RECQL5: variants seen among roughly 807,000 people sequenced by gnomAD.
The protein encoded by RECQL5 is RecQ like helicase 5.
Under a neutral mutation model 103.4 loss-of-function variants are expected in RECQL5, and 88 were observed. The observed-to-expected ratio is 0.85, with a 90% CI of 0.72 to 1.02. The LOEUF (loss-of-function observed/expected upper bound fraction) is 1.02. Among genes scored for constraint, RECQL5 ranks in the 50% least tolerant of loss-of-function variants. RECQL5 has a pLI of 0.00. For missense variants in RECQL5, 1,232 were observed against 1,284.3 expected (o/e 0.96, Z 0.62); for synonymous variants, 552 against 507.9 (o/e 1.09, Z -1.17).
chr17:75,634,418 C>G (rs1460943866), intron 8 of RECQL5, among the ~76,000 whole-genome samples: 1 of 152,228 alleles, frequency 6.6e-6, no homozygotes, highest in East Asian at 1.9e-4. Flanking sequence ...GGGGGCTCTG[C>G]TCAGAGCGCC....
rs1392427273 is a variant in RECQL5, at chr17:75,640,230, T to A, written c.1230-8562A>T. ...GCTGCCACCGACTTCGTGCAGGAGA[T>A]GCGCGCCGTGGGCGAGAGGCTGCTG... On this transcript the variant is annotated intron_variant, in intron 8 of 19. Coordinates refer to ENST00000317905, the MANE Select transcript of RECQL5 (RefSeq NM_004259.7). The surrounding 1 kb of genome is among the most constrained non-coding windows in gnomAD (Gnocchi z 4.6). 2.6e-6 allele frequency: 4 copies of A among 1,550,782 alleles called. No homozygotes were observed. In the East Asian group the frequency reaches 9.8e-5, roughly 38 times the overall value.
At chr17:75,657,108 C>T (rs1049332783) in intron 7 of RECQL5, among the ~76,000 whole-genome samples, 6 of 152,130 alleles carry the variant, frequency 3.9e-5, no homozygotes, top group Admixed American at 1.3e-4. Flanking sequence ...GTGGCTCACG[C>T]CTGTAATCCC....
At chr17:75,632,955 C>T (rs1472181628) in intron 8 of RECQL5, among the ~76,000 whole-genome samples, 1 of 152,244 alleles carries the variant, frequency 6.6e-6, no homozygotes, top group Non-Finnish European at 1.5e-5. Flanking sequence ...TGAGGGGCTG[C>T]GACCCCAAGG....
chr17:75,647,018 T>C (rs1327717207), intron 8 of RECQL5, among the ~76,000 whole-genome samples: 4 of 152,230 alleles, frequency 2.6e-5, no homozygotes, highest in East Asian at 1.9e-4. Flanking sequence ...TCTATCATGA[T>C]GCTTTTTAGA....
chr17:75,641,925 T>G (rs2059440078), intron 8 of RECQL5, among the ~76,000 whole-genome samples: 1 of 152,058 alleles, frequency 6.6e-6, no homozygotes, highest in Non-Finnish European at 1.5e-5. Context: ...ATGGAGCAAA[T>G]CCTGGTACTG....
At chr17:75,647,848 C>T (rs2059507647) in intron 8 of RECQL5, 1 of 344,492 alleles carries the variant, frequency 2.9e-6, no homozygotes, top group Non-Finnish European at 5.5e-6. Flanking sequence ...GGCTCCACTG[C>T]CTCAGGTGGA....
chr17:75,628,182 G>A, intron 18 of RECQL5, 36 bp downstream of exon 18: 1 of 1,564,432 alleles, frequency 6.4e-7, no homozygotes, highest in Non-Finnish European at 8.8e-7. Flanking sequence ...CATACCCCAG[G>A]CATGGGAGAA....
In RECQL5 at chr17:75,633,860, T is replaced by A; in HGVS notation, c.1230-2192A>T. On this transcript the variant is annotated intron_variant, in intron 8 of 19. Coordinates refer to ENST00000317905, the MANE Select transcript of RECQL5 (RefSeq NM_004259.7). ...CCAGGCCCAGCCCACGGCGTGGGAGTCGGGGAGAGGGAGAGGAGGAGGAAG... is the reference window on the plus strand; with the variant it reads ...CCAGGCCCAGCCCACGGCGTGGGAGACGGGGAGAGGGAGAGGAGGAGGAAG... The A allele has an allele frequency of 4.0e-6, 4 of 993,838 alleles. No individual in the cohort carries two copies. The South Asian group carries it at 1.7e-4, about 43-fold the overall frequency. The allele number at this position is 993,838 out of a possible 1,614,324, so 61.6% of individuals were successfully genotyped here.
In RECQL5 at chr17:75,640,245, A is replaced by G; in HGVS notation, c.1230-8577T>C. 1 of 1,551,306 alleles carries G rather than the reference A, an allele frequency of 6.4e-7. No individual in the cohort carries two copies. Among genetic ancestry groups the G allele is most frequent in the Non-Finnish European group, 8.7e-7 (1 of 1,146,856 alleles). On this transcript the variant is annotated intron_variant, in intron 8 of 19. Coordinates refer to ENST00000317905, the MANE Select transcript of RECQL5 (RefSeq NM_004259.7). This position sits in a 1 kb window ranked among gnomAD's most constrained non-coding sequence, Gnocchi z 4.6. ...GTGCAGGAGATGCGCGCCGTGGGCG[A>G]GAGGCTGCTGCTCAAGCTGCAGAGA...
chr17:75,662,748 C>T lies in RECQL5; in HGVS notation c.502G>A (p.Asp168Asn). 2 of 1,614,066 alleles carry T rather than the reference C, an allele frequency of 1.2e-6. No individual in the cohort carries two copies. The change falls in exon 4 of 20, where the codon GAC becomes AAC. Residue 168 changes from aspartate (D) to asparagine (N), a missense_variant. Coordinates refer to ENST00000317905, the MANE Select transcript of RECQL5 (RefSeq NM_004259.7). ...AGACGCAAGTAGTCAGGACGAAAGT[C>T]ATGCCCCCATTGGGAAACACAATGA... ...EAHCVSQWGH[D>N]FRPDYLRLGA...
intron 13 of RECQL5, 71 bp downstream of exon 13, chr17:75,630,548 G>A (rs2059188068): frequency 1.3e-6 from 2 of 1,526,658 alleles, no homozygotes; most frequent in Non-Finnish European, 1.8e-6. Flanking sequence ...GGCCAGGGTT[G>A]ACAGGGTCCT....
chr17:75,627,989 AG>A (rs955256424), intron 18 of RECQL5, among the ~76,000 whole-genome samples: 33 of 150,924 alleles, frequency 2.2e-4, no homozygotes. Context: ...ACTGCACTCC[AG>A]CCTGGGCGAC....
rs757624935 is a variant in RECQL5 at position 75,658,344 on chromosome 17, C to T, written c.1103G>A (p.Arg368Gln). 19 of 1,613,792 alleles carry T rather than the reference C, an allele frequency of 1.2e-5. No homozygotes were observed. Among genetic ancestry groups the T allele is most frequent in the Admixed American group, 8.3e-5 (5 of 59,978 alleles). Residue 368 changes from arginine (R) to glutamine (Q), a missense_variant, in exon 7 of 20, where the codon CGG becomes CAG. Arg to Gln is a conservative substitution (Grantham distance 43). Coordinates refer to ENST00000317905, the MANE Select transcript of RECQL5 (RefSeq NM_004259.7). The stretch of plus-strand genomic sequence containing the variant: ...CCTGATCAGGAAGCTGACTTGGTCC[C>T]GGTCATTCCTGGAGTAATAGAGACG... Reference protein sequence around the residue: ...WCRLYYSRNDRDQVSFLIRKE... With the variant: ...WCRLYYSRNDQDQVSFLIRKE...
At chr17:75,650,303 A>C in intron 8 of RECQL5, 1 of 1,032,422 alleles carries the variant, frequency 9.7e-7, no homozygotes, top group Non-Finnish European at 1.2e-6. Flanking sequence ...TCAGTCCAGA[A>C]GCCACCGACT....
intron 8 of RECQL5, among the ~76,000 whole-genome samples, chr17:75,632,052 G>A (rs558160255): frequency 2.6e-5 from 4 of 152,328 alleles, no homozygotes; most frequent in East Asian, 1.9e-4. Flanking sequence ...ATGCATTCCC[G>A]TCAGTAAGAT....
Position 75,629,259 on chromosome 17 carries a change from G to A in RECQL5, c.2164C>T (p.His722Tyr), listed in dbSNP as rs955689445. 12 of 1,610,678 alleles carry A rather than the reference G, an allele frequency of 7.5e-6. No individual in the cohort carries two copies. Among genetic ancestry groups the A allele is most frequent in the Non-Finnish European group, 8.5e-6 (10 of 1,178,488 alleles). Residue 722 changes from histidine (H) to tyrosine (Y), a missense_variant, in exon 16 of 20, where the codon CAC becomes TAC. Coordinates refer to ENST00000317905, the MANE Select transcript of RECQL5 (RefSeq NM_004259.7). ...PRGEVPGGSA[H>Y]YGGPSPEKKA... ...TTCTCAGGGGAGGGCCCCCCATAGT[G>A]AGCGCTGCCTCCAGGGACCTCCCCT...
chr17:75,629,492 G>A lies in RECQL5; in HGVS notation c.1948-17C>T. ...GGGTTTGAGCTGTAAATGTGAGCAG[G>A]AGGAGAGGAGGTTCAGCCCACTAGG... On this transcript the variant is annotated splice_polypyrimidine_tract_variant and intron_variant, in intron 15 of 19. Coordinates refer to ENST00000317905, the MANE Select transcript of RECQL5 (RefSeq NM_004259.7). The A allele has an allele frequency of 6.7e-7, 1 of 1,501,706 alleles. No homozygotes were observed. Among genetic ancestry groups the A allele is most frequent in the Non-Finnish European group, 8.9e-7 (1 of 1,125,658 alleles). The allele number at this position is 1,501,706 out of a possible 1,614,324, so 93.0% of individuals were successfully genotyped here.
chr17:75,666,174 C>G (rs1301777025), intron 2 of RECQL5, among the ~76,000 whole-genome samples: 1 of 152,118 alleles, frequency 6.6e-6, no homozygotes, highest in Non-Finnish European at 1.5e-5. Flanking sequence ...GCTTGTAATC[C>G]CAGCACCTTG....
In RECQL5 at chr17:75,629,876, C is replaced by T. The variant is rs201541449; in HGVS notation, c.1813-34G>A. 2.3e-4 allele frequency: 361 copies of T among 1,568,620 alleles called. 1 individual carries two copies. In the East Asian group the frequency reaches 2.5e-3, roughly 11 times the overall value. ...GGATAGGCAGGGAGGCTGTGGCACC[C>T]GCCAGCTCCTCCTGACATGCCCCAC... On this transcript the variant is annotated intron_variant, in intron 14 of 19. Coordinates refer to ENST00000317905, the MANE Select transcript of RECQL5 (RefSeq NM_004259.7).
Sources: allele counts gnomAD v4.1 joint callset (sites outside exome capture counted in the v4.1 genomes callset), GRCh38; gene constraint gnomAD v4.1.1; non-coding constraint Gnocchi (gnomAD v3.1); transcripts MANE v1.5; gene names NCBI Gene and HGNC (gene_info 2026-07-23, HGNC 2026-07-21).